Variants in SUGCT observed in about 807,000 individuals in gnomAD.
SUGCT encodes succinyl-CoA:glutarate CoA-transferase.
SUGCT carries 41 observed loss-of-function variants against 55.0 expected under a neutral mutation model. The observed-to-expected ratio is 0.74, with a 90% CI of 0.58 to 0.97. The LOEUF is 0.97. Ranked by LOEUF, SUGCT falls within the 50% of genes least tolerant of loss-of-function variation. The pLI, the probability that SUGCT is intolerant of heterozygous loss-of-function variation, is 0.00. For missense variants in SUGCT, 568 were observed against 547.8 expected (o/e 1.04, Z -0.37); for synonymous variants, 187 against 200.4 (o/e 0.93, Z 0.56).
At chr7:40,937,827 A>G in the SUGCT span, among the ~76,000 whole-genome samples, 22 of 152,232 alleles carry the variant, frequency 1.4e-4, 1 homozygote, top group Admixed American at 1.3e-3. Flanking sequence ...ACGGTCCCCA[A>G]CCTTTTTAGC....
chr7:40,532,526 CTGTG>C (rs3048827), intron 12 of SUGCT, among the ~76,000 whole-genome samples: 1,954 of 134,070 alleles, frequency 0.015, 12 homozygotes, highest in East Asian at 0.045. Context: ...GCAAGTATGT[CTGTG>C]TGTGTGTGTG....
the SUGCT span, among the ~76,000 whole-genome samples, chr7:40,997,878 AT>A: frequency 8.7e-4 from 132 of 152,154 alleles, no homozygotes; most frequent in Middle Eastern, 3.4e-3. Flanking sequence ...GACTTGCTTC[AT>A]TTCCTGTCTT....
intron 11 of SUGCT, among the ~76,000 whole-genome samples, chr7:40,489,829 C>T (rs966602095): frequency 6.6e-6 from 1 of 152,140 alleles, no homozygotes; most frequent in Non-Finnish European, 1.5e-5. Flanking sequence ...TTATTTTGTC[C>T]GTTTGGTGAT....
At chr7:40,308,871 A>G (rs1321760479) in intron 8 of SUGCT, among the ~76,000 whole-genome samples, 4 of 152,102 alleles carry the variant, frequency 2.6e-5, no homozygotes, top group African/African-American at 4.8e-5. Context: ...TTAGCTGGGC[A>G]TGGTGTTGTG....
At chr7:40,732,962 C>T (rs994185608) in intron 12 of SUGCT, among the ~76,000 whole-genome samples, 2 of 152,004 alleles carry the variant, frequency 1.3e-5, no homozygotes, top group Non-Finnish European at 2.9e-5. Context: ...GTAATCCCAG[C>T]TATTTGGGAG....
intron 9 of SUGCT, among the ~76,000 whole-genome samples, chr7:40,448,952 A>G (rs145291505): frequency 0.07 from 9,377 of 134,574 alleles, 334 homozygotes; most frequent in Middle Eastern, 0.15. Flanking sequence ...GTGTGTGTGT[A>G]TATATATATA....
chr7:40,619,071 A>T (rs1368405083), intron 12 of SUGCT, among the ~76,000 whole-genome samples: 1 of 152,140 alleles, frequency 6.6e-6, no homozygotes, highest in Non-Finnish European at 1.5e-5. Context: ...TCTGGCCAGG[A>T]ATACTATGGG....
intron 12 of SUGCT, among the ~76,000 whole-genome samples, chr7:40,544,149 T>A (rs1005705732): frequency 6.9e-6 from 1 of 145,864 alleles, no homozygotes; most frequent in Non-Finnish European, 1.5e-5. Flanking sequence ...TTTTTTTTTT[T>A]AGGGCAGTTT....
chr7:40,738,939 A>C (rs1314807742), intron 12 of SUGCT, among the ~76,000 whole-genome samples: 1 of 152,048 alleles, frequency 6.6e-6, no homozygotes, highest in Non-Finnish European at 1.5e-5. Flanking sequence ...TTCTACTAAA[A>C]CTCTATTCAT....
At chr7:40,181,863 G>A (rs1258400095) in intron 2 of SUGCT, 92 bp from the exon 3 acceptor site, 2 of 764,300 alleles carry the variant, frequency 2.6e-6, no homozygotes, top group Non-Finnish European at 4.4e-6. Flanking sequence ...AGGATTATAT[G>A]AGCGTGTCTG....
chr7:40,474,339 A>AT (rs373432033), intron 11 of SUGCT, among the ~76,000 whole-genome samples: 7 of 152,108 alleles, frequency 4.6e-5, no homozygotes, highest in African/African-American at 1.7e-4. Context: ...AGTGAGGCAG[A>AT]TAAACAGTTT....
chr7:40,946,431 A>G, the SUGCT span, among the ~76,000 whole-genome samples: 1 of 152,146 alleles, frequency 6.6e-6, no homozygotes, highest in African/African-American at 2.4e-5. Context: ...CACTGGGGTA[A>G]TGTTCCAAGA....
chr7:40,202,047 C>T (rs970418820), intron 6 of SUGCT, among the ~76,000 whole-genome samples: 1 of 152,062 alleles, frequency 6.6e-6, no homozygotes, highest in African/African-American at 2.4e-5. Flanking sequence ...GATCTCGGCT[C>T]ACTGCAACCT....
chr7:40,579,151 T>A (rs2151706918), intron 12 of SUGCT, among the ~76,000 whole-genome samples: 1 of 152,206 alleles, frequency 6.6e-6, no homozygotes, highest in Non-Finnish European at 1.5e-5. Flanking sequence ...TAACTTTTTG[T>A]GATCTGCCAT....
chr7:40,731,458 G>C (rs1385394966), intron 12 of SUGCT, among the ~76,000 whole-genome samples: 1 of 151,950 alleles, frequency 6.6e-6, no homozygotes, highest in East Asian at 1.9e-4. Context: ...CTTATTTATA[G>C]GAAAAAACAG....
chr7:40,901,563 T>A, the SUGCT span, among the ~76,000 whole-genome samples: 1 of 152,196 alleles, frequency 6.6e-6, no homozygotes, highest in Non-Finnish European at 1.5e-5. Flanking sequence ...CACGGAATGA[T>A]GTTACCAAAC....
intron 13 of SUGCT, among the ~76,000 whole-genome samples, chr7:40,835,069 A>T (rs1255983269): frequency 5.3e-5 from 8 of 152,220 alleles, no homozygotes; most frequent in African/African-American, 1.9e-4. Flanking sequence ...ACTGTCCAAT[A>T]TGATAGCCGC....
chr7:40,314,604 G>C (rs1347957970), intron 8 of SUGCT, among the ~76,000 whole-genome samples: 1 of 126,312 alleles, frequency 7.9e-6, no homozygotes, highest in Admixed American at 1.0e-4. Context: ...CGCTCTCGTT[G>C]CCGAGGCTGG....
At chr7:40,388,803 G>A (rs10259977) in intron 9 of SUGCT, among the ~76,000 whole-genome samples, 144,184 of 152,280 alleles carry the variant, frequency 0.95, 68,745 homozygotes, top group East Asian at 1. Context: ...GAAGTAAAAT[G>A]AAAGCACAGT....
Sources: gnomAD v4.1 joint callset for allele counts (sites outside exome capture counted in the v4.1 genomes callset) on GRCh38, gnomAD v4.1.1 for gene constraint, MANE v1.5 for transcripts, NCBI Gene and HGNC (gene_info 2026-07-23, HGNC 2026-07-21) for gene names.